The following SCO2 variants were observed in gnomAD, a reference collection of about 807,000 sequenced individuals.
The protein encoded by SCO2 is synthesis of cytochrome C oxidase 2, also known as cytochrome c oxidase assembly factor SCO2.
For synonymous variants in SCO2, 195 were observed against 148.6 expected (o/e 1.31, Z -2.27); for missense variants, 429 against 348.7 (o/e 1.23, Z -1.83).
Position 50,524,088 on chromosome 22 carries a change from A to C in SCO2, c.324T>G (p.Asp108Glu). 6.2e-7 allele frequency: 1 copy of C among 1,613,092 alleles called. No individual in the cohort carries two copies. Among genetic ancestry groups the C allele is most frequent in the Non-Finnish European group, 8.5e-7 (1 of 1,179,994 alleles). The change falls in exon 2 of 2, where the codon GAT becomes GAG. Residue 108 changes from aspartate to glutamate, a missense_variant. Coordinates refer to ENST00000395693, the MANE Select transcript of SCO2 (RefSeq NM_005138.3). ...AVGQGDFHLL[D>E]HRGRARCKAD... is the part of the protein sequence containing the mutation. ...CCTTGCAGCGAGCCCGGCCTCTGTG[A>C]TCCAGCAGGTGGAAGTCGCCCTGGC... is the stretch of plus-strand genomic sequence containing the variant.
upstream of SCO2, chr22:50,525,898 G>A (rs781153870): frequency 4.2e-5 from 65 of 1,560,124 alleles, 1 homozygote; most frequent in South Asian, 7.4e-4. Flanking sequence ...CCGTCCCGGT[G>A]CACGCGGAGC....
chr22:50,523,775 G>C lies in SCO2; in HGVS notation c.637C>G (p.Pro213Ala). Residue 213 changes from proline to alanine, a missense_variant, in exon 2 of 2, where the codon CCC becomes GCC. Transcript: ENST00000395693. ...HSYRVYYNAG[P>A]KDEDQDYIVD... ...ATGTAGTCCTGGTCCTCATCCTTGG[G>C]GCCTGCATTGTAGTACACGCGGTAA... 6.2e-7 allele frequency: 1 copy of C among 1,614,156 alleles called. No homozygotes were observed. The highest frequency in any genetic ancestry group is 8.5e-7 in the Non-Finnish European group (1 of 1,180,008).
chr22:50,525,444 C>A, intron 1 of SCO2, 28 bp downstream of exon 1: 1 of 420,918 alleles, frequency 2.4e-6, no homozygotes. Flanking sequence ...AGGGCTACCT[C>A]CTCCCCTCCC....
In SCO2 at chr22:50,525,385, C is replaced by T. The variant is rs895931995; in HGVS notation, c.-14+87G>A. 9.4e-5 allele frequency: 28 copies of T among 299,332 alleles called. 1 individual carries two copies. Among genetic ancestry groups the T allele is most frequent in the South Asian group, 7.5e-4 (24 of 32,190 alleles). 18.5% of individuals were successfully genotyped at this position (299,332 alleles called of 1,614,324 possible). Reference sequence around the variant, plus strand: ...GCCCTGGGGTGTGCCCCGCCAGCCCCGCGCAGTAGCCGGAGCTGGGAAACT... The same window carrying T: ...GCCCTGGGGTGTGCCCCGCCAGCCCTGCGCAGTAGCCGGAGCTGGGAAACT... On this transcript the variant is annotated intron_variant, in intron 1 of 1. Coordinates refer to ENST00000395693, the MANE Select transcript of SCO2 (RefSeq NM_005138.3).
upstream of SCO2, chr22:50,525,972 G>C (rs1156333019): frequency 2.2e-6 from 3 of 1,384,470 alleles, no homozygotes; most frequent in Non-Finnish European, 2.8e-6. Context: ...GCGGGGGTGC[G>C]GGGCCAGCAG....
upstream of SCO2, chr22:50,526,342 C>A: frequency 6.4e-7 from 1 of 1,558,462 alleles, no homozygotes; most frequent in Non-Finnish European, 8.6e-7. Context: ...CGGGCCAGAC[C>A]GGGATCCACG....
At chr22:50,525,623 G>GGCGCAGCCGCTGACAGGCTCTCAGCGCGT, upstream of SCO2, 1 of 1,253,898 alleles carries the variant, frequency 8.0e-7, no homozygotes, top group Non-Finnish European at 1.1e-6. Context: ...TGCGCACACG[G>GGCGCAGCCGCTGACAGGCTCTCAGCGCGT]GCGCAGCCGC....
At chr22:50,524,491 C>A (rs779177024) in intron 1 of SCO2, 67 bp from the exon 2 acceptor site, 1 of 1,443,034 alleles carries the variant, frequency 6.9e-7, no homozygotes, top group Non-Finnish European at 9.6e-7. Context: ...GCTGCCCCTG[C>A]GACTTGAGAC....
chr22:50,524,178 C>T lies in SCO2; in HGVS notation c.234G>A (p.Leu78=), dbSNP rs2069220540. ...GAGLGGAWLA[L]RAEKERLQQQ... ...GCTGCAGCCTCTCCTTCTCAGCCCT[C>T]AGGGCCAGCCAGGCCCCACCGAGTC... Residue 78 remains leucine (L), a synonymous_variant, in exon 2 of 2, where the codon CTG becomes CTA. Transcript: ENST00000395693. 1.9e-6 allele frequency: 3 copies of T among 1,609,444 alleles called. No homozygotes were observed. Among genetic ancestry groups the T allele is most frequent in the Non-Finnish European group, 2.5e-6 (3 of 1,179,936 alleles).
At chr22:50,526,404 A>G, upstream of SCO2, 13 of 1,517,072 alleles carry the variant, frequency 8.6e-6, no homozygotes, top group Non-Finnish European at 1.1e-5. Flanking sequence ...GCCGTCGTCC[A>G]GCGCCGCGGC....
At position 50,523,670 on chromosome 22, in the gene SCO2, C is replaced by T. The variant is rs769321318; in HGVS notation, c.742G>A (p.Glu248Lys). ...TDYYGRSRSA[E>K]QISDSVRRHM... is the part of the protein sequence containing the mutation. ...CGCCGCACACTGTCTGAGATCTGCT[C>T]AGCCGATCTGCTCCGGCCGTAGTAA... is the stretch of plus-strand genomic sequence containing the variant. The change falls in exon 2 of 2, where the codon GAG (glutamate) becomes AAG (lysine). Residue 248 changes from glutamate (E) to lysine (K), a missense_variant. Transcript: ENST00000395693. 1.2e-6 allele frequency: 2 copies of T among 1,614,068 alleles called. No homozygotes were observed. The highest frequency in any genetic ancestry group is 8.5e-7 in the Non-Finnish European group (1 of 1,180,026).
Position 50,523,590 on chromosome 22 carries a change from T to C in SCO2, c.*21A>G, listed in dbSNP as rs781421518. 1.2e-6 allele frequency: 2 copies of C among 1,612,060 alleles called. No homozygotes were observed. Among genetic ancestry groups the C allele is most frequent in the Non-Finnish European group, 1.7e-6 (2 of 1,179,524 alleles). On this transcript the variant is annotated 3_prime_UTR_variant, in exon 2 of 2. Transcript: ENST00000395693. ...AGATTAAACGCAGCCCGTTTAATGA[T>C]GGGGCCCAGACTGCAGTGGCTCAAG...
Position 50,524,114 on chromosome 22 carries a change from C to T in SCO2, c.298G>A (p.Gly100Ser). The change falls in exon 2 of 2, where the codon GGC (glycine) becomes AGC (serine). Residue 100 changes from glycine to serine, a missense_variant. Transcript: ENST00000395693. ...TCCAGCAGGTGGAAGTCGCCCTGGC[C>T]CACAGCTGCCTGGCGCAGGGCTTCT... The part of the protein sequence containing the change: ...RTEALRQAAV[G>S]QGDFHLLDHR... The T allele has an allele frequency of 6.2e-7, 1 of 1,612,878 alleles. No homozygotes were observed. Among genetic ancestry groups the T allele is most frequent in the South Asian group, 1.1e-5 (1 of 91,082 alleles).
At chr22:50,526,295 C>A (rs754410018), upstream of SCO2, 51 of 1,554,614 alleles carry the variant, frequency 3.3e-5, no homozygotes, top group East Asian at 1.2e-3. Context: ...GAGGCAGCAG[C>A]TGCCGGCGTT....
upstream of SCO2, chr22:50,525,676 G>A (rs902336520): frequency 8.5e-6 from 13 of 1,534,064 alleles, no homozygotes; most frequent in African/African-American, 1.8e-4. Context: ...AGCCCGCCGG[G>A]GGTCACGTGT....
At chr22:50,526,073 G>C, upstream of SCO2, 3 of 1,483,592 alleles carry the variant, frequency 2.0e-6, no homozygotes, top group African/African-American at 2.9e-5. Context: ...TCCCCAGCGC[G>C]GCTGCGCCCG....
At position 50,523,970 on chromosome 22, in the gene SCO2, C is replaced by A. The variant is rs1569521528; in HGVS notation, c.442G>T (p.Val148Leu). The change falls in exon 2 of 2, where the codon GTG becomes TTG. Residue 148 changes from valine (V) to leucine (L), a missense_variant. Coordinates refer to ENST00000395693, the MANE Select transcript of SCO2 (RefSeq NM_005138.3). ...PDELEKLVQV[V>L]RQLEAEPGLP... Reference sequence around the variant, plus strand: ...CCAGGCTCTGCTTCCAGCTGCCGCACCACCTGCACCAGCTTCTCCAGCTCG... The same window carrying A: ...CCAGGCTCTGCTTCCAGCTGCCGCAACACCTGCACCAGCTTCTCCAGCTCG... 1 of 1,612,502 alleles carries A rather than the reference C, an allele frequency of 6.2e-7. No individual in the cohort carries two copies. The highest frequency in any genetic ancestry group is 8.5e-7 in the Non-Finnish European group (1 of 1,179,020).
Position 50,524,428 on chromosome 22 carries a change from G to A in SCO2, c.-13-4C>T. ...CAGCAGCATGGATCTGATGCTCCTGGAAACAAGCACAGGCGTCAGGAGCCA... is the reference window on the plus strand; with the variant it reads ...CAGCAGCATGGATCTGATGCTCCTGAAAACAAGCACAGGCGTCAGGAGCCA... On this transcript the variant is annotated splice_region_variant and splice_polypyrimidine_tract_variant and intron_variant, in intron 1 of 1. Coordinates refer to ENST00000395693, the MANE Select transcript of SCO2 (RefSeq NM_005138.3). 1.2e-6 allele frequency: 2 copies of A among 1,609,592 alleles called. No homozygotes were observed. The highest frequency in any genetic ancestry group is 1.7e-5 in the Admixed American group (1 of 59,984).
At chr22:50,524,659 A>C (rs1176302620) in intron 1 of SCO2, 2 of 692,594 alleles carry the variant, frequency 2.9e-6, no homozygotes, top group Admixed American at 2.0e-5. Context: ...CTGTCACCGC[A>C]CCCTGCCCTG....
Sources: allele counts gnomAD v4.1 joint callset, GRCh38; gene constraint gnomAD v4.1.1; transcripts MANE v1.5; gene names NCBI Gene and HGNC (gene_info 2026-07-23, HGNC 2026-07-21).